Variants in LCLAT1 observed in about 807,000 individuals in gnomAD.
LCLAT1 encodes the protein 1-AGP acyltransferase 8.
A neutral mutation model predicts 30.7 loss-of-function variants in LCLAT1; 11 were observed. The ratio of observed to expected loss-of-function variants is 0.36; its 90% confidence interval spans 0.23 to 0.59. The LOEUF is 0.59. Among genes scored for constraint, LCLAT1 ranks in the 20% least tolerant of loss-of-function variants. The probability of loss-of-function intolerance (pLI) is 0.77; values close to 1 mark genes in which losing one functional copy is unlikely to be tolerated. For synonymous variants in LCLAT1, 155 were observed against 151.3 expected (o/e 1.02, Z -0.18); for missense variants, 402 against 458.6 (o/e 0.88, Z 1.13).
chr2:30,594,879 A>G (rs535283309), intron 5 of LCLAT1, among the ~76,000 whole-genome samples: 28 of 152,272 alleles, frequency 1.8e-4, no homozygotes, highest in African/African-American at 6.5e-4. Context: ...CAAATATTTT[A>G]CTCAAGTATA....
At chr2:30,462,447 A>G (rs1321869847) in intron 1 of LCLAT1, among the ~76,000 whole-genome samples, 1 of 152,242 alleles carries the variant, frequency 6.6e-6, no homozygotes, top group Admixed American at 6.5e-5. Flanking sequence ...TCTTGAGCTT[A>G]GCATTGAAGA....
chr2:30,594,361 C>A (rs1281609410), intron 5 of LCLAT1, among the ~76,000 whole-genome samples: 1 of 152,178 alleles, frequency 6.6e-6, no homozygotes, highest in African/African-American at 2.4e-5. Flanking sequence ...CACCCATACA[C>A]CCACCACCTA....
chr2:30,451,540 T>G (rs1242602158), intron 1 of LCLAT1, among the ~76,000 whole-genome samples: 1 of 152,216 alleles, frequency 6.6e-6, no homozygotes, highest in Non-Finnish European at 1.5e-5. Context: ...TGTGATATGT[T>G]TATAAGATGA....
intron 5 of LCLAT1, among the ~76,000 whole-genome samples, chr2:30,632,602 A>G (rs1230102857): frequency 2.0e-5 from 3 of 152,252 alleles, no homozygotes; most frequent in African/African-American, 7.2e-5. Flanking sequence ...ATTCACATCA[A>G]GTGGTAATGG....
At chr2:30,616,153 A>C (rs186999580) in intron 5 of LCLAT1, among the ~76,000 whole-genome samples, 18 of 152,280 alleles carry the variant, frequency 1.2e-4, no homozygotes, top group African/African-American at 4.3e-4. Flanking sequence ...GTTGCTGTTG[A>C]ATTGCAATGG....
chr2:30,488,617 C>G (rs1025346207), intron 1 of LCLAT1, among the ~76,000 whole-genome samples: 7 of 152,176 alleles, frequency 4.6e-5, no homozygotes, highest in Non-Finnish European at 1.0e-4. Flanking sequence ...TATTCTCTTT[C>G]GTTTTTTCCT....
At chr2:30,480,851 C>G (rs1050935716) in intron 1 of LCLAT1, among the ~76,000 whole-genome samples, 10 of 152,162 alleles carry the variant, frequency 6.6e-5, no homozygotes, top group African/African-American at 2.4e-4. Flanking sequence ...AACTACAGAA[C>G]TATAGAACTA....
chr2:30,555,204 G>GA (rs928077793), intron 3 of LCLAT1, among the ~76,000 whole-genome samples: 3 of 152,102 alleles, frequency 2.0e-5, no homozygotes, highest in African/African-American at 7.2e-5. Context: ...GAAAACTATA[G>GA]AAAATAGCTT....
At chr2:30,474,126 A>G (rs1224392227) in intron 1 of LCLAT1, among the ~76,000 whole-genome samples, 1 of 152,248 alleles carries the variant, frequency 6.6e-6, no homozygotes, top group African/African-American at 2.4e-5. Flanking sequence ...ATGGAAAAGT[A>G]AAATAACCCA....
intron 5 of LCLAT1, among the ~76,000 whole-genome samples, chr2:30,589,947 T>TAA (rs2148476712): frequency 6.6e-6 from 1 of 152,328 alleles, no homozygotes; most frequent in East Asian, 1.9e-4. Context: ...TGATTTAGAC[T>TAA]AAGTTTTTCT....
intron 1 of LCLAT1, among the ~76,000 whole-genome samples, chr2:30,490,636 G>A (rs1683794457): frequency 6.6e-6 from 1 of 152,156 alleles, no homozygotes; most frequent in Non-Finnish European, 1.5e-5. Context: ...TGAGAAACTA[G>A]GCACTTTAAA....
chr2:30,510,009 A>G (rs1684862173), intron 1 of LCLAT1, among the ~76,000 whole-genome samples: 1 of 152,192 alleles, frequency 6.6e-6, no homozygotes, highest in Non-Finnish European at 1.5e-5. Context: ...TGGACACTCT[A>G]TTCTTGACTC....
intron 3 of LCLAT1, among the ~76,000 whole-genome samples, chr2:30,540,629 C>T (rs1664086586): frequency 6.6e-6 from 1 of 151,602 alleles, no homozygotes; most frequent in Non-Finnish European, 1.5e-5. Flanking sequence ...GAAGATATTT[C>T]AATGTAGGTT....
intron 1 of LCLAT1, among the ~76,000 whole-genome samples, chr2:30,508,487 A>C (rs754340773): frequency 1.1e-4 from 17 of 151,928 alleles, no homozygotes; most frequent in Non-Finnish European, 2.2e-4. Context: ...GTCTTCTTCT[A>C]GAACCATTTA....
chr2:30,580,326 G>C (rs1286774237), intron 5 of LCLAT1, among the ~76,000 whole-genome samples: 3 of 152,184 alleles, frequency 2.0e-5, no homozygotes, highest in Non-Finnish European at 4.4e-5. Flanking sequence ...GGCTGAAATG[G>C]ATATATGCTG....
At chr2:30,470,506 A>T (rs1184738879) in intron 1 of LCLAT1, among the ~76,000 whole-genome samples, 1 of 152,232 alleles carries the variant, frequency 6.6e-6, no homozygotes, top group East Asian at 1.9e-4. Context: ...TAAAGTTAAA[A>T]TACAAACTAA....
At chr2:30,537,796 G>A (rs191935188) in intron 3 of LCLAT1, among the ~76,000 whole-genome samples, 13 of 152,098 alleles carry the variant, frequency 8.5e-5, no homozygotes, top group Admixed American at 1.3e-4. Context: ...TCATCAATTC[G>A]TGGAACATTC....
chr2:30,630,053 T>G (rs964976775), intron 5 of LCLAT1, among the ~76,000 whole-genome samples: 4 of 152,162 alleles, frequency 2.6e-5, no homozygotes, highest in African/African-American at 9.7e-5. Flanking sequence ...TCCTCACTGT[T>G]CTGGAGGCCA....
At chr2:30,467,276 T>G (rs1418521478) in intron 1 of LCLAT1, among the ~76,000 whole-genome samples, 1 of 152,228 alleles carries the variant, frequency 6.6e-6, no homozygotes, top group Non-Finnish European at 1.5e-5. Context: ...AACTCATCCT[T>G]TTTTATGGCT....
Sources: gnomAD v4.1 joint callset for allele counts (sites outside exome capture counted in the v4.1 genomes callset) on GRCh38, gnomAD v4.1.1 for gene constraint, MANE v1.5 for transcripts, NCBI Gene and HGNC (gene_info 2026-07-23, HGNC 2026-07-21) for gene names.